Variants in OPCML observed in about 807,000 individuals in gnomAD.
OPCML encodes the protein opioid-binding protein/cell adhesion molecule.
OPCML carries 13 observed loss-of-function variants against 37.8 expected under a neutral mutation model. The observed-to-expected ratio is 0.34, with a 90% CI of 0.22 to 0.55. The LOEUF is 0.55. OPCML is among the 20% of genes least tolerant of loss of function. The pLI, the probability that OPCML is intolerant of heterozygous loss-of-function variation, is 0.91. For synonymous variants in OPCML, 176 were observed against 168.8 expected, an observed-to-expected ratio of 1.04 and a Z score of -0.33; for missense variants, 341 against 435.6, an observed-to-expected ratio of 0.78 and a Z score of 1.93.
intron 2 of OPCML, among the ~76,000 whole-genome samples, chr11:132,736,782 C>A (rs1945273691): frequency 1.3e-5 from 2 of 152,104 alleles, no homozygotes; most frequent in South Asian, 4.1e-4. Context: ...CCCTTATGAC[C>A]ACTGCCCCAT....
At chr11:132,514,294 A>T (rs1012100562) in intron 4 of OPCML, among the ~76,000 whole-genome samples, 14 of 152,212 alleles carry the variant, frequency 9.2e-5, no homozygotes, top group Non-Finnish European at 4.4e-5. Flanking sequence ...TCAGAAGTTG[A>T]GACAGTCCAG....
At chr11:133,418,469 G>T (rs1945814569) in intron 1 of OPCML, 1 of 985,156 alleles carries the variant, frequency 1.0e-6, no homozygotes, top group Admixed American at 6.2e-5. Context: ...TAGTATCTGT[G>T]GTTGGGTAAA....
intron 2 of OPCML, among the ~76,000 whole-genome samples, chr11:132,734,981 A>G (rs1373667971): frequency 6.6e-6 from 1 of 152,234 alleles, no homozygotes; most frequent in Non-Finnish European, 1.5e-5. Flanking sequence ...CCTGCAACAT[A>G]TAAAAGTACA....
rs960795717 is a variant in OPCML at position 133,269,280 on chromosome 11, C to T, written c.61+262984G>A. ...ATGAAATCACAAACTGGAAATTCCC[C>T]GAGAGTGAAACAAACAAACAAACAA... On this transcript the variant is annotated intron_variant, in intron 1 of 7. Coordinates refer to ENST00000524381, the MANE Select transcript of OPCML (RefSeq NM_001012393.5). Among the ~76,000 whole-genome samples, 5 of 152,112 alleles carry T rather than the reference C, an allele frequency of 3.3e-5. No homozygotes were observed. The East Asian group carries it at 5.8e-4, about 18-fold the overall frequency.
chr11:133,062,238 C>T (rs1948355466), intron 1 of OPCML, among the ~76,000 whole-genome samples: 1 of 152,188 alleles, frequency 6.6e-6, no homozygotes, highest in South Asian at 2.1e-4. Flanking sequence ...TTCTAAATTT[C>T]TCACCCCAGA....
At chr11:132,598,830 A>T (rs1565697834) in intron 3 of OPCML, among the ~76,000 whole-genome samples, 3 of 152,082 alleles carry the variant, frequency 2.0e-5, no homozygotes, top group African/African-American at 4.8e-5. Context: ...TTTTAAAAAA[A>T]TTTCTCTGCT....
At chr11:133,092,588 T>C (rs1218213983) in intron 1 of OPCML, among the ~76,000 whole-genome samples, 2 of 152,030 alleles carry the variant, frequency 1.3e-5, no homozygotes, top group Non-Finnish European at 2.9e-5. Flanking sequence ...TAGCTGGGCA[T>C]GGTGGCGCGC....
At chr11:133,012,644 G>A (rs1051396196) in intron 1 of OPCML, among the ~76,000 whole-genome samples, 1 of 152,124 alleles carries the variant, frequency 6.6e-6, no homozygotes, top group African/African-American at 2.4e-5. Context: ...GGGAGGCCGA[G>A]GTGGGTGGAT....
chr11:132,943,757 G>C lies in OPCML; in HGVS notation c.62-747C>G, dbSNP rs903718541. The C allele has an allele frequency of 4.6e-5, 7 of 150,780 alleles. No homozygotes were observed. The East Asian group carries it at 1.2e-3, about 25-fold the overall frequency. The allele number at this position is 150,780 out of a possible 1,614,324, so 9.3% of individuals were successfully genotyped here. On this transcript the variant is annotated intron_variant, in intron 1 of 7. Coordinates refer to ENST00000524381, the MANE Select transcript of OPCML (RefSeq NM_001012393.5). The surrounding 1 kb of genome is among the most constrained non-coding windows in gnomAD (Gnocchi z 4.3). ...GCGACTCGCGGCCAGCCGGGGGAGC[G>C]CCGCCCGGCGCAGGCTCCGGGCGCA... is the stretch of plus-strand genomic sequence containing the variant.
chr11:133,052,280 T>A (rs1419126292), intron 1 of OPCML, among the ~76,000 whole-genome samples: 1 of 152,180 alleles, frequency 6.6e-6, no homozygotes. Flanking sequence ...AACCAGCAAC[T>A]AAATCAAGTG....
At chr11:133,300,185 AG>A (rs1384824252) in intron 1 of OPCML, 2 of 152,188 alleles carry the variant, frequency 1.3e-5, no homozygotes. Context: ...AGGATCATGG[AG>A]GTGTAAAGAT....
rs537308014 is a variant in OPCML at position 133,194,880 on chromosome 11, T to C, written c.62-251870A>G. 2.0e-5 allele frequency among the ~76,000 whole-genome samples: 3 copies of C among 152,334 alleles called. No individual in the cohort carries two copies. In the South Asian group the frequency reaches 6.2e-4, roughly 32 times the overall value. ...TGTCTGTGGTTTTGTTCAGCTGGCTTCCAGCATGGAATTCACTGCTTTACA... is the reference window on the plus strand; with the variant it reads ...TGTCTGTGGTTTTGTTCAGCTGGCTCCCAGCATGGAATTCACTGCTTTACA... On this transcript the variant is annotated intron_variant, in intron 1 of 7. Transcript: ENST00000524381.
intron 1 of OPCML, among the ~76,000 whole-genome samples, chr11:133,479,586 G>C (rs1293233555): frequency 6.6e-6 from 1 of 152,194 alleles, no homozygotes; most frequent in Non-Finnish European, 1.5e-5. Context: ...GAGCTTGGAG[G>C]CAAGAAGGGC....
At chr11:132,697,801 T>G (rs1462820830) in intron 2 of OPCML, among the ~76,000 whole-genome samples, 1 of 152,052 alleles carries the variant, frequency 6.6e-6, no homozygotes, top group Non-Finnish European at 1.5e-5. Context: ...CCTCTCTCTC[T>G]GTTGCCCAGG....
intron 2 of OPCML, among the ~76,000 whole-genome samples, chr11:132,800,197 T>A (rs1938563910): frequency 6.6e-6 from 1 of 152,192 alleles, no homozygotes; most frequent in Admixed American, 6.5e-5. Context: ...AACTGCCTTT[T>A]AAATTTTATT....
At chr11:133,344,471 T>C (rs931661876) in intron 1 of OPCML, among the ~76,000 whole-genome samples, 15 of 152,140 alleles carry the variant, frequency 9.9e-5, no homozygotes, top group African/African-American at 2.7e-4. Context: ...ACAAATCCTG[T>C]TGCGTTCTGA....
chr11:132,508,350 G>A (rs993593736), intron 4 of OPCML, among the ~76,000 whole-genome samples: 3 of 152,072 alleles, frequency 2.0e-5, no homozygotes, highest in African/African-American at 4.8e-5. Flanking sequence ...ATGCAAAAAA[G>A]GATAGTATGA....
chr11:133,236,148 G>A (rs993909766), intron 1 of OPCML, among the ~76,000 whole-genome samples: 1 of 152,076 alleles, frequency 6.6e-6, no homozygotes, highest in Non-Finnish European at 1.5e-5. Context: ...GCAATTTGGG[G>A]CCATTATTAA....
At chr11:133,430,516 G>A (rs1224663823) in intron 1 of OPCML, among the ~76,000 whole-genome samples, 2 of 152,108 alleles carry the variant, frequency 1.3e-5, no homozygotes, top group Admixed American at 1.3e-4. Context: ...TTGGGATGGG[G>A]ATGGATAATC....
Sources: gnomAD v4.1 joint callset for allele counts (sites outside exome capture counted in the v4.1 genomes callset) on GRCh38, gnomAD v4.1.1 for gene constraint, Gnocchi (gnomAD v3.1) non-coding constraint, MANE v1.5 for transcripts, NCBI Gene and HGNC (gene_info 2026-07-23, HGNC 2026-07-21) for gene names.